The following GAS7 variants were observed in gnomAD, a reference collection of about 807,000 sequenced individuals.
GAS7 encodes growth arrest-specific protein 7.
A neutral mutation model predicts 71.1 loss-of-function variants in GAS7; 28 were observed. The ratio of observed to expected loss-of-function variants is 0.39; its 90% CI spans 0.29 to 0.54. The LOEUF is 0.54. GAS7 is among the 20% of genes least tolerant of loss of function. The pLI, the probability that GAS7 is intolerant of heterozygous loss-of-function variation, is 0.62. For missense variants in GAS7, 436 were observed against 627.8 expected (o/e 0.69, Z 3.27); for synonymous variants, 258 against 245.8 (o/e 1.05, Z -0.46).
chr17:10,003,768 C>T (rs565902309), intron 2 of GAS7, among the ~76,000 whole-genome samples: 1 of 152,306 alleles, frequency 6.6e-6, no homozygotes, highest in South Asian at 2.1e-4. Context: ...CCTTCTGCTC[C>T]CCTTCTGCGC....
intron 1 of GAS7, among the ~76,000 whole-genome samples, chr17:10,182,048 G>T (rs552303137): frequency 1.9e-4 from 29 of 152,316 alleles, no homozygotes; most frequent in African/African-American, 6.5e-4. Flanking sequence ...CCCTTTCCCA[G>T]AAATCTCATG....
At chr17:10,179,167 T>C (rs1345196764) in intron 1 of GAS7, among the ~76,000 whole-genome samples, 1 of 151,912 alleles carries the variant, frequency 6.6e-6, no homozygotes, top group African/African-American at 2.4e-5. Flanking sequence ...CGGTCTCTAC[T>C]AAAAATACAA....
At position 10,188,994 on chromosome 17, in the gene GAS7, T is replaced by C. The variant is rs146148750; in HGVS notation, c.183+9214A>G. Among the ~76,000 whole-genome samples the C allele has an allele frequency of 1.6e-4, 24 of 152,350 alleles. No homozygotes were observed. In the East Asian group the frequency reaches 3.5e-3, roughly 22 times the overall value. ...TATCCAAGTTCCTTGCCCATTCTTA[T>C]ACTGATATGTTCCTCTTTGTTTTGG... is the stretch of plus-strand genomic sequence containing the variant. On this transcript the variant is annotated intron_variant, in intron 1 of 13. Coordinates refer to ENST00000432992, the MANE Select transcript of GAS7 (RefSeq NM_201433.2).
intron 1 of GAS7, among the ~76,000 whole-genome samples, chr17:10,168,480 T>A (rs775276441): frequency 2.8e-4 from 43 of 152,130 alleles, no homozygotes; most frequent in South Asian, 1.2e-3. Flanking sequence ...TCCTAATCAC[T>A]CCCCCACTAC....
intron 1 of GAS7, among the ~76,000 whole-genome samples, chr17:10,186,223 C>T (rs571788787): frequency 1.3e-5 from 2 of 152,028 alleles, no homozygotes; most frequent in South Asian, 2.1e-4. Context: ...TCCCAAAGTG[C>T]TGGCATTCCA....
chr17:10,096,397 C>T (rs2152258780), intron 1 of GAS7, among the ~76,000 whole-genome samples: 1 of 152,276 alleles, frequency 6.6e-6, no homozygotes, highest in East Asian at 1.9e-4. Flanking sequence ...GGGAGGGTGT[C>T]CTCACTCAAA....
chr17:10,014,345 T>C (rs1237558241), intron 2 of GAS7, among the ~76,000 whole-genome samples: 1 of 152,166 alleles, frequency 6.6e-6, no homozygotes, highest in African/African-American at 2.4e-5. Flanking sequence ...TCTGTCGGCC[T>C]CCACGCTTAC....
intron 1 of GAS7, chr17:10,036,650 C>T (rs2072759412): frequency 7.0e-7 from 1 of 1,429,862 alleles, no homozygotes; most frequent in African/African-American, 1.4e-5. Flanking sequence ...TGTTCTTTCA[C>T]AAAGAACCCA....
intron 1 of GAS7, among the ~76,000 whole-genome samples, chr17:10,102,532 T>C (rs1412657489): frequency 6.6e-6 from 1 of 152,136 alleles, no homozygotes; most frequent in Admixed American, 6.5e-5. Context: ...ATTGCTTACA[T>C]AGACAAGTGC....
chr17:10,019,874 C>CGGA lies in GAS7; in HGVS notation c.204_206dup (p.Pro70dup), dbSNP rs758364005. 5.0e-6 allele frequency: 8 copies of CGGA among 1,613,704 alleles called. No homozygotes were observed. The highest frequency in any genetic ancestry group is 6.8e-6 in the Non-Finnish European group (8 of 1,179,860). ...TGACCGTCTGGCTTTCTTCTCCCGG[C>CGGA]GGAGGGGGGACCATTCCAGGCTTCT... On this transcript the variant is annotated inframe_insertion, in exon 2 of 14. Coordinates refer to ENST00000432992, the MANE Select transcript of GAS7 (RefSeq NM_201433.2).
At chr17:10,036,765 T>C (rs1013850593) in intron 1 of GAS7, 4 of 1,188,318 alleles carry the variant, frequency 3.4e-6, no homozygotes, top group African/African-American at 3.1e-5. Context: ...TTTCTTTTTT[T>C]CCCACTCTCC....
intron 1 of GAS7, among the ~76,000 whole-genome samples, chr17:10,189,681 G>A (rs373440341): frequency 3.3e-5 from 5 of 152,308 alleles, no homozygotes; most frequent in East Asian, 1.9e-4. Flanking sequence ...GCTCAAGCCT[G>A]TAATCCCAGC....
Position 10,026,905 on chromosome 17 carries a change from T to C in GAS7, c.184-7008A>G, listed in dbSNP as rs1036026507. On this transcript the variant is annotated intron_variant, in intron 1 of 13. Coordinates refer to ENST00000432992, the MANE Select transcript of GAS7 (RefSeq NM_201433.2). The surrounding 1 kb of genome is among the most constrained non-coding windows in gnomAD (Gnocchi z 4.5). ...ATTTCCTGTCTCACAGGTGAAAGTA[T>C]TGCGCTCCCCAACTCCAGCAGCCTT... 4 of 152,230 alleles carry C rather than the reference T, an allele frequency of 2.6e-5. No individual in the cohort carries two copies. The highest frequency in any genetic ancestry group is 2.6e-4 in the Admixed American group (4 of 15,282). 9.4% of individuals were successfully genotyped at this position (152,230 alleles called of 1,614,324 possible).
chr17:9,935,712 C>T (rs1462484903), intron 8 of GAS7, among the ~76,000 whole-genome samples: 1 of 152,174 alleles, frequency 6.6e-6, no homozygotes, highest in Non-Finnish European at 1.5e-5. Context: ...GAAATGACTG[C>T]CTGATTTTAT....
chr17:10,141,823 A>G (rs1167285968), intron 1 of GAS7, among the ~76,000 whole-genome samples: 3 of 152,262 alleles, frequency 2.0e-5, no homozygotes, highest in Non-Finnish European at 1.5e-5. Context: ...AAAATAAAGT[A>G]TAATAAATGT....
chr17:10,170,136 TC>T (rs144119698), intron 1 of GAS7, among the ~76,000 whole-genome samples: 1,559 of 152,120 alleles, frequency 0.01, 18 homozygotes, highest in African/African-American at 0.035. Flanking sequence ...CTTGTCTCCC[TC>T]CTTCTACCCT....
chr17:10,046,543 C>A (rs1320571633), intron 1 of GAS7, among the ~76,000 whole-genome samples: 1 of 151,640 alleles, frequency 6.6e-6, no homozygotes, highest in African/African-American at 2.4e-5. Flanking sequence ...CCAGACCAGC[C>A]TGGCCAATAT....
chr17:10,186,755 G>T (rs2074457141), intron 1 of GAS7, among the ~76,000 whole-genome samples: 1 of 152,170 alleles, frequency 6.6e-6, no homozygotes, highest in Admixed American at 6.5e-5. Context: ...GGGTACAGTG[G>T]CTCATGCCTA....
In GAS7 at chr17:9,926,803, C is replaced by T. The variant is rs746385671; in HGVS notation, c.886-34G>A. On this transcript the variant is annotated intron_variant, in intron 9 of 13. Transcript: ENST00000432992. The surrounding 1 kb of genome is among the most constrained non-coding windows in gnomAD (Gnocchi z 5.0). ...AGAGTAGAGACGCACACTCAGGACC[C>T]AGGGCATCAGCTGTAAGCCAGTGCA... 6.2e-7 allele frequency: 1 copy of T among 1,613,294 alleles called. No homozygotes were observed. Among genetic ancestry groups the T allele is most frequent in the South Asian group, 1.1e-5 (1 of 91,064 alleles).
Sources: gnomAD v4.1 joint callset for allele counts (sites outside exome capture counted in the v4.1 genomes callset) on GRCh38, gnomAD v4.1.1 for gene constraint, Gnocchi (gnomAD v3.1) non-coding constraint, MANE v1.5 for transcripts, NCBI Gene and HGNC (gene_info 2026-07-23, HGNC 2026-07-21) for gene names.